Variants in ADAM9 observed in about 807,000 individuals in gnomAD.
ADAM9 encodes ADAM metallopeptidase domain 9.
ADAM9 carries 54 observed loss-of-function variants against 108.1 expected under a neutral mutation model. The ratio of observed to expected loss-of-function variants is 0.50; its 90% CI spans 0.40 to 0.63. The LOEUF (loss-of-function observed/expected upper bound fraction) is 0.63. Among genes scored for constraint, ADAM9 ranks in the 20% least tolerant of loss-of-function variants. ADAM9 has a pLI of 0.00. For synonymous variants in ADAM9, 316 were observed against 336.0 expected (o/e 0.94, Z 0.65); for missense variants, 830 against 997.7 (o/e 0.83, Z 2.26).
chr8:39,089,735 C>T (rs1475227601), intron 18 of ADAM9: 4 of 356,564 alleles, frequency 1.1e-5, no homozygotes, highest in Non-Finnish European at 1.6e-5. Context: ...AACTGATGCA[C>T]CAAATGGTAT....
intron 18 of ADAM9, among the ~76,000 whole-genome samples, chr8:39,089,375 A>G (rs998445586): frequency 6.6e-6 from 1 of 152,204 alleles, no homozygotes; most frequent in Non-Finnish European, 1.5e-5. Flanking sequence ...GGGTGAGGCT[A>G]TGGGGAATTC....
At position 39,051,969 on chromosome 8, in the gene ADAM9, C is replaced by CGTA. The variant is rs562376891; in HGVS notation, c.1303-2512_1303-2511insGTA. 3.3e-3 allele frequency among the ~76,000 whole-genome samples: 502 copies of CGTA among 152,150 alleles called. 5 individuals are homozygous for CGTA. Among genetic ancestry groups the CGTA allele is most frequent in the African/African-American group, 0.011 (475 of 41,518 alleles). On this transcript the variant is annotated intron_variant, in intron 12 of 21. Coordinates refer to ENST00000487273, the MANE Select transcript of ADAM9 (RefSeq NM_003816.3). ...TCATGTGTATATATACAGATATACA[C>CGTA]ACGTCGTGTATATATACAAATATTT...
At chr8:39,013,906 C>T (rs1006287529) in intron 3 of ADAM9, 59 bp from the exon 4 acceptor site, 7 of 1,300,882 alleles carry the variant, frequency 5.4e-6, no homozygotes, top group African/African-American at 4.4e-5. Flanking sequence ...CCTTATGAAT[C>T]GTGTCCTTAG....
intron 11 of ADAM9, among the ~76,000 whole-genome samples, chr8:39,035,690 G>A (rs541129918): frequency 1.3e-5 from 2 of 152,142 alleles, no homozygotes; most frequent in African/African-American, 4.8e-5. Flanking sequence ...GGTGGCGGGC[G>A]CCTGTAGTCC....
At chr8:39,012,778 A>G (rs1276225257) in intron 3 of ADAM9, among the ~76,000 whole-genome samples, 1 of 152,126 alleles carries the variant, frequency 6.6e-6, no homozygotes, top group Non-Finnish European at 1.5e-5. Context: ...GGGGAACATC[A>G]CACACCAGGG....
At chr8:39,065,202 G>GTT (rs201018664) in intron 14 of ADAM9, among the ~76,000 whole-genome samples, 24 of 135,174 alleles carry the variant, frequency 1.8e-4, no homozygotes, top group Non-Finnish European at 2.8e-4. Context: ...TTTTATCTGT[G>GTT]TTTTTTTTTG....
chr8:39,008,558 A>G (rs1836240984), intron 2 of ADAM9, among the ~76,000 whole-genome samples: 1 of 152,198 alleles, frequency 6.6e-6, no homozygotes, highest in Non-Finnish European at 1.5e-5. Context: ...TCACTAGGGT[A>G]GGCTGCTGAT....
Position 39,063,409 on chromosome 8 carries a change from G to A in ADAM9, c.1591+7637G>A, listed in dbSNP as rs546389392. Among the ~76,000 whole-genome samples the A allele has an allele frequency of 3.3e-5, 5 of 152,276 alleles. No individual in the cohort carries two copies. In the East Asian group the frequency reaches 5.8e-4, roughly 18 times the overall value. ...GTTAGTCCCCTCAGATGTTGGAGAC[G>A]CTGTTTCCACTGGCAAAGACGACTC... On this transcript the variant is annotated intron_variant, in intron 14 of 21. Coordinates refer to ENST00000487273, the MANE Select transcript of ADAM9 (RefSeq NM_003816.3).
At chr8:39,012,927 C>T (rs4355735) in intron 3 of ADAM9, among the ~76,000 whole-genome samples, 17,052 of 151,948 alleles carry the variant, frequency 0.11, 1,051 homozygotes, top group Admixed American at 0.15. Context: ...CACATGTACC[C>T]TAGAACTTAA....
chr8:39,026,959 CT>C (rs376324160), intron 11 of ADAM9, 149 bp downstream of exon 11: 137,052 of 679,354 alleles, frequency 0.2, 1 homozygote, highest in Middle Eastern at 0.24. Flanking sequence ...AATGAGAAGT[CT>C]TTTTTTTTTT....
chr8:39,047,639 T>C (rs1837815802), intron 12 of ADAM9, among the ~76,000 whole-genome samples: 1 of 152,172 alleles, frequency 6.6e-6, no homozygotes, highest in Admixed American at 6.5e-5. Flanking sequence ...AGTTGAAATG[T>C]CTCCTTTCTC....
In ADAM9 at chr8:39,104,758, A is replaced by G. The variant is rs1475623846; in HGVS notation, c.*1058A>G. 3 of 453,848 alleles carry G rather than the reference A, an allele frequency of 6.6e-6. No homozygotes were observed. The highest frequency in any genetic ancestry group is 1.4e-3 in the Middle Eastern group (2 of 1,442). 28.1% of individuals were successfully genotyped at this position (453,848 alleles called of 1,614,324 possible). Reference sequence around the variant, plus strand: ...AAATGGTTTTCTTAAATACCTACAAAAAAGTTACTGTGGTATCTATGAGTT... The same window carrying G: ...AAATGGTTTTCTTAAATACCTACAAGAAAGTTACTGTGGTATCTATGAGTT... On this transcript the variant is annotated 3_prime_UTR_variant, in exon 22 of 22. Transcript: ENST00000487273.
chr8:39,045,018 A>ATGTGTGTGTGCATACATACATATGTATG, intron 12 of ADAM9, among the ~76,000 whole-genome samples: 1 of 97,708 alleles, frequency 1.0e-5, no homozygotes, highest in Non-Finnish European at 2.1e-5. Context: ...ATGTATGTGT[A>ATGTGTGTGTGCATACATACATATGTATG]TGTGTGTGTG....
intron 12 of ADAM9, among the ~76,000 whole-genome samples, chr8:39,042,399 G>T (rs1413054727): frequency 6.6e-6 from 1 of 151,878 alleles, no homozygotes; most frequent in East Asian, 1.9e-4. Context: ...TAGCTTATTT[G>T]CTTTAAAGAA....
intron 20 of ADAM9, among the ~76,000 whole-genome samples, chr8:39,101,266 C>T (rs1839686788): frequency 6.6e-6 from 1 of 152,028 alleles, no homozygotes; most frequent in South Asian, 2.1e-4. Flanking sequence ...GGTTGAGCAC[C>T]CCTAATCTGA....
At chr8:39,051,786 C>A (rs1177401699) in intron 12 of ADAM9, among the ~76,000 whole-genome samples, 1 of 152,002 alleles carries the variant, frequency 6.6e-6, no homozygotes, top group Non-Finnish European at 1.5e-5. Context: ...TAGACATAGC[C>A]CTTTAATTTG....
At chr8:39,082,851 TAAAC>T (rs757323484) in intron 17 of ADAM9, 113 bp from the exon 18 acceptor site, 350 of 1,345,840 alleles carry the variant, frequency 2.6e-4, no homozygotes, top group Admixed American at 4.8e-4. Context: ...TTTTCATTCT[TAAAC>T]AGTGTCAGTA....
chr8:39,002,017 C>T (rs144387655), intron 1 of ADAM9, among the ~76,000 whole-genome samples: 76 of 128,102 alleles, frequency 5.9e-4, no homozygotes, highest in African/African-American at 2.2e-3. Flanking sequence ...ATTGACCTGG[C>T]GAATACTAGA....
intron 1 of ADAM9, among the ~76,000 whole-genome samples, chr8:38,998,134 A>G (rs1588312389): frequency 1.3e-5 from 2 of 152,258 alleles, no homozygotes; most frequent in African/African-American, 4.8e-5. Flanking sequence ...AAGTTATTCA[A>G]AGGTGATGAT....
Sources: allele counts gnomAD v4.1 joint callset (sites outside exome capture counted in the v4.1 genomes callset), GRCh38; gene constraint gnomAD v4.1.1; transcripts MANE v1.5; gene names NCBI Gene and HGNC (gene_info 2026-07-23, HGNC 2026-07-21).